SLC2A13: variants seen among roughly 807,000 people sequenced by gnomAD.
SLC2A13 encodes the protein solute carrier family 2 member 13, also known as proton myo-inositol cotransporter.
Under a neutral mutation model 64.4 loss-of-function variants are expected in SLC2A13, and 32 were observed. The observed-to-expected ratio is 0.50, with a 90% CI of 0.37 to 0.67. SLC2A13 has a LOEUF of 0.67. SLC2A13 is among the 30% of genes least tolerant of loss of function. SLC2A13 has a pLI of 0.00. For synonymous variants in SLC2A13, 338 were observed against 327.1 expected, an observed-to-expected ratio of 1.03 and a Z score of -0.36; for missense variants, 743 against 829.2, an observed-to-expected ratio of 0.90 and a Z score of 1.28.
chr12:39,899,912 AT>A (rs1341979257), intron 4 of SLC2A13, among the ~76,000 whole-genome samples: 1 of 152,052 alleles, frequency 6.6e-6, no homozygotes, highest in Non-Finnish European at 1.5e-5. Flanking sequence ...TATGTGGTCA[AT>A]TTTGGAATAG....
chr12:40,058,120 A>G (rs1948363795), intron 1 of SLC2A13, among the ~76,000 whole-genome samples: 1 of 152,014 alleles, frequency 6.6e-6, no homozygotes, highest in African/African-American at 2.4e-5. Flanking sequence ...TACTATAAAT[A>G]TATAGTAAAA....
chr12:40,075,343 T>C (rs746023342), intron 1 of SLC2A13, among the ~76,000 whole-genome samples: 1 of 152,192 alleles, frequency 6.6e-6, no homozygotes, highest in African/African-American at 2.4e-5. Flanking sequence ...ATGGAAGACT[T>C]TGTTAATTGG....
At chr12:40,085,697 T>G (rs2136290199) in intron 1 of SLC2A13, among the ~76,000 whole-genome samples, 1 of 152,324 alleles carries the variant, frequency 6.6e-6, no homozygotes, top group Non-Finnish European at 1.5e-5. Context: ...TTTTTCTTTC[T>G]TATCTGGCCA....
At chr12:39,876,329 C>T (rs905763900) in intron 4 of SLC2A13, among the ~76,000 whole-genome samples, 1 of 152,094 alleles carries the variant, frequency 6.6e-6, no homozygotes, top group Non-Finnish European at 1.5e-5. Flanking sequence ...TTTTAACTAG[C>T]AATAAAAGAC....
At chr12:39,985,703 C>A (rs1013821504) in intron 3 of SLC2A13, among the ~76,000 whole-genome samples, 1 of 152,040 alleles carries the variant, frequency 6.6e-6, no homozygotes, top group Non-Finnish European at 1.5e-5. Context: ...TGGTCACATA[C>A]CTTATAGTCT....
intron 7 of SLC2A13, among the ~76,000 whole-genome samples, chr12:39,778,463 T>A (rs531900501): frequency 6.6e-6 from 1 of 152,280 alleles, no homozygotes; most frequent in Admixed American, 6.5e-5. Flanking sequence ...ACGAAGTTAG[T>A]TATTTCTTTG....
chr12:39,874,469 G>T (rs1287901299), intron 4 of SLC2A13, among the ~76,000 whole-genome samples: 1 of 152,040 alleles, frequency 6.6e-6, no homozygotes, highest in Non-Finnish European at 1.5e-5. Context: ...CAAAAAATTA[G>T]CTGGGCATGG....
At chr12:40,004,390 G>A (rs1947375167) in intron 3 of SLC2A13, among the ~76,000 whole-genome samples, 1 of 152,060 alleles carries the variant, frequency 6.6e-6, no homozygotes, top group Non-Finnish European at 1.5e-5. Flanking sequence ...CACCATGTTA[G>A]ACAGGCTGGT....
rs959748780 is a variant in SLC2A13 at position 39,757,786 on chromosome 12, A to G, written c.*2240T>C. On this transcript the variant is annotated 3_prime_UTR_variant, in exon 10 of 10. Coordinates refer to ENST00000280871, the MANE Select transcript of SLC2A13 (RefSeq NM_052885.4). ...CCATGTTCTGCTTTAGGAAATAACAAGAGTCCAGTTTCTCCTTTAATAAAG... is the reference window on the plus strand; with the variant it reads ...CCATGTTCTGCTTTAGGAAATAACAGGAGTCCAGTTTCTCCTTTAATAAAG... 2 of 152,242 alleles carry G rather than the reference A, an allele frequency of 1.3e-5. No homozygotes were observed. The highest frequency in any genetic ancestry group is 4.8e-5 in the African/African-American group (2 of 41,386). The allele number at this position is 152,242 out of a possible 1,614,324, so 9.4% of individuals were successfully genotyped here.
chr12:39,763,557 A>G (rs1216423681), intron 9 of SLC2A13, among the ~76,000 whole-genome samples: 1 of 152,010 alleles, frequency 6.6e-6, no homozygotes, highest in Non-Finnish European at 1.5e-5. Flanking sequence ...TACTAGAGAG[A>G]GCTAAGGGCA....
chr12:39,843,937 C>T (rs894802650), intron 6 of SLC2A13, among the ~76,000 whole-genome samples: 2 of 151,634 alleles, frequency 1.3e-5, no homozygotes, highest in Non-Finnish European at 2.9e-5. Context: ...ATGCTTTTTT[C>T]CCCCCAAAGC....
At chr12:40,073,214 CAT>C (rs1298193178) in intron 1 of SLC2A13, among the ~76,000 whole-genome samples, 2 of 151,658 alleles carry the variant, frequency 1.3e-5, no homozygotes, top group Admixed American at 1.3e-4. Flanking sequence ...TAAGCATAAA[CAT>C]ATACACACAC....
intron 1 of SLC2A13, among the ~76,000 whole-genome samples, chr12:40,083,596 G>A (rs1027855774): frequency 6.6e-6 from 1 of 152,128 alleles, no homozygotes; most frequent in Non-Finnish European, 1.5e-5. Flanking sequence ...GGCAGGGCAA[G>A]GAGAAAAAGG....
At chr12:40,085,623 C>T (rs539462449) in intron 1 of SLC2A13, among the ~76,000 whole-genome samples, 1 of 152,204 alleles carries the variant, frequency 6.6e-6, no homozygotes, top group South Asian at 2.1e-4. Context: ...TGTTTTTATA[C>T]TCACAGTGTC....
In SLC2A13 at chr12:40,093,078, T is replaced by G. The variant is rs1938820957; in HGVS notation, c.556+12175A>C. Among the ~76,000 whole-genome samples, 4 of 152,244 alleles carry G rather than the reference T, an allele frequency of 2.6e-5. No homozygotes were observed. The South Asian group carries it at 8.3e-4, about 32-fold the overall frequency. On this transcript the variant is annotated intron_variant, in intron 1 of 9. Coordinates refer to ENST00000280871, the MANE Select transcript of SLC2A13 (RefSeq NM_052885.4). Reference sequence around the variant, plus strand: ...TCATCCTTGAGAGTCTGTCAGATCATTTTTCAGACACAAATCAACTTTTGT... The same window carrying G: ...TCATCCTTGAGAGTCTGTCAGATCAGTTTTCAGACACAAATCAACTTTTGT...
At chr12:40,016,764 CTAAGA>C (rs1354661297) in intron 3 of SLC2A13, among the ~76,000 whole-genome samples, 1 of 152,062 alleles carries the variant, frequency 6.6e-6, no homozygotes, top group Non-Finnish European at 1.5e-5. Context: ...AAAATTAATT[CTAAGA>C]TAATAAATCA....
At chr12:39,977,189 G>C (rs1424040369) in intron 3 of SLC2A13, among the ~76,000 whole-genome samples, 4 of 152,146 alleles carry the variant, frequency 2.6e-5, no homozygotes, top group African/African-American at 4.8e-5. Context: ...CTCCCTAAGA[G>C]GTTTGTAGTA....
intron 6 of SLC2A13, among the ~76,000 whole-genome samples, chr12:39,859,316 G>GTTT (rs34195780): frequency 5.6e-4 from 53 of 94,312 alleles, no homozygotes; most frequent in African/African-American, 1.2e-3. Context: ...AAAGCTGGCA[G>GTTT]TTTTTTTTTT....
chr12:40,072,663 TCTG>T (rs1283391544), intron 1 of SLC2A13, among the ~76,000 whole-genome samples: 1 of 152,162 alleles, frequency 6.6e-6, no homozygotes, highest in African/African-American at 2.4e-5. Flanking sequence ...TGCTCTGAAA[TCTG>T]CTGTTTGAAA....
Sources: allele counts gnomAD v4.1 joint callset (sites outside exome capture counted in the v4.1 genomes callset), GRCh38; gene constraint gnomAD v4.1.1; transcripts MANE v1.5; gene names NCBI Gene and HGNC (gene_info 2026-07-23, HGNC 2026-07-21).